Variants in ARHGEF26 observed in about 807,000 individuals in gnomAD.
ARHGEF26 encodes Rho guanine nucleotide exchange factor 26, also known as Rho guanine nucleotide exchange factor (GEF) 26.
In ARHGEF26, 59 loss-of-function variants were observed where a neutral mutation model predicts 89.4. The ratio of observed to expected loss-of-function variants is 0.66; its 90% CI spans 0.54 to 0.82. The LOEUF is 0.82. Among genes scored for constraint, ARHGEF26 ranks in the 40% least tolerant of loss-of-function variants. The probability of loss-of-function intolerance (pLI) is 0.00; values close to 1 mark genes in which losing one functional copy is unlikely to be tolerated. For missense variants in ARHGEF26, 1,234 were observed against 1,085.6 expected (o/e 1.14, Z -1.92); for synonymous variants, 500 against 428.4 (o/e 1.17, Z -2.06).
chr3:154,168,241 G>C (rs1277165603), intron 6 of ARHGEF26, among the ~76,000 whole-genome samples: 1 of 152,000 alleles, frequency 6.6e-6, no homozygotes, highest in Non-Finnish European at 1.5e-5. Context: ...AGGAAAGGGT[G>C]GTTCACTGTG....
Position 154,191,418 on chromosome 3 carries a change from T to C in ARHGEF26, c.1770T>C (p.Asp590=), listed in dbSNP as rs1713952001. 3 of 1,613,108 alleles carry C rather than the reference T, an allele frequency of 1.9e-6. No homozygotes were observed. In the African/African-American group the frequency reaches 4.0e-5, roughly 22 times the overall value. Residue 590 remains aspartate, a splice_region_variant and synonymous_variant, in exon 8 of 15, where the codon GAT becomes GAC. Transcript: ENST00000465093. ...TGACCCGCCTTCCCCTGCTGATGGA[T>C]GTAAGACATGACGGTGGCTTTTTCC... The part of the protein sequence containing the change: ...QRVTRLPLLM[D]TICQKTPKDS...
chr3:154,182,421 A>T (rs1713245413), intron 6 of ARHGEF26, among the ~76,000 whole-genome samples: 1 of 152,124 alleles, frequency 6.6e-6, no homozygotes. Flanking sequence ...CCAATATTTG[A>T]TCACACTGTG....
chr3:154,132,138 A>C (rs1367999142), intron 4 of ARHGEF26, among the ~76,000 whole-genome samples: 1 of 152,066 alleles, frequency 6.6e-6, no homozygotes, highest in African/African-American at 2.4e-5. Context: ...ACCAGCCTGC[A>C]TTTCTTTGTG....
chr3:154,227,007 C>G (rs1716534007), intron 11 of ARHGEF26, among the ~76,000 whole-genome samples: 1 of 152,140 alleles, frequency 6.6e-6, no homozygotes, highest in East Asian at 1.9e-4. Context: ...TTCTGAGTTG[C>G]TGACTTTATA....
At chr3:154,166,170 C>A (rs538527357) in intron 6 of ARHGEF26, among the ~76,000 whole-genome samples, 1 of 152,078 alleles carries the variant, frequency 6.6e-6, no homozygotes, top group South Asian at 2.1e-4. Flanking sequence ...GTAGGAGAAT[C>A]TACTACTCCT....
At chr3:154,160,813 C>T (rs1001351033) in intron 6 of ARHGEF26, among the ~76,000 whole-genome samples, 1 of 152,014 alleles carries the variant, frequency 6.6e-6, no homozygotes, top group Non-Finnish European at 1.5e-5. Context: ...AAAGGTAATT[C>T]CTAGGTGCAG....
At chr3:154,132,325 C>G (rs1023760667) in intron 4 of ARHGEF26, among the ~76,000 whole-genome samples, 1 of 152,066 alleles carries the variant, frequency 6.6e-6, no homozygotes, top group Non-Finnish European at 1.5e-5. Context: ...TTTTTTTAGA[C>G]TATTACAGCG....
At chr3:154,176,662 C>T (rs371985946) in intron 6 of ARHGEF26, among the ~76,000 whole-genome samples, 5 of 152,238 alleles carry the variant, frequency 3.3e-5, no homozygotes, top group African/African-American at 7.2e-5. Flanking sequence ...GTGTGCTTTA[C>T]GTAGACGGTG....
Position 154,122,667 on chromosome 3 carries a change from C to G in ARHGEF26, c.675C>G (p.Asn225Lys). 1 of 1,613,898 alleles carries G rather than the reference C, an allele frequency of 6.2e-7. No individual in the cohort carries two copies. Among genetic ancestry groups the G allele is most frequent in the Non-Finnish European group, 8.5e-7 (1 of 1,179,886 alleles). Residue 225 changes from asparagine to lysine, a missense_variant, in exon 2 of 15, where the codon AAC (asparagine) becomes AAG (lysine). Physicochemically the swap from Asn to Lys is moderately conservative, Grantham distance 94. Coordinates refer to ENST00000465093, the MANE Select transcript of ARHGEF26 (RefSeq NM_015595.4). ...TCCAAAGGCTGCCCTCCCAGGAGAA[C>G]GAGCTCCTCGAGAATCCTTCCGTGG... ...LPLQRLPSQE[N>K]ELLENPSVVL...
intron 12 of ARHGEF26, among the ~76,000 whole-genome samples, chr3:154,248,999 G>A (rs1283679179): frequency 1.3e-5 from 2 of 152,112 alleles, no homozygotes; most frequent in Admixed American, 1.3e-4. Context: ...CTTTACAAAG[G>A]TTCGAAGGAC....
intron 9 of ARHGEF26, among the ~76,000 whole-genome samples, chr3:154,209,146 A>G (rs930167812): frequency 2.0e-5 from 3 of 152,146 alleles, no homozygotes; most frequent in African/African-American, 7.2e-5. Flanking sequence ...TTTAGCTGGT[A>G]TAATTCTGAA....
intron 7 of ARHGEF26, among the ~76,000 whole-genome samples, chr3:154,190,689 C>T (rs999577391): frequency 2.6e-5 from 4 of 152,142 alleles, no homozygotes; most frequent in Non-Finnish European, 4.4e-5. Context: ...CACAGTATCT[C>T]GCTAAGTTTC....
chr3:154,243,677 G>A (rs1717610833), intron 12 of ARHGEF26, among the ~76,000 whole-genome samples: 1 of 152,172 alleles, frequency 6.6e-6, no homozygotes, highest in South Asian at 2.1e-4. Context: ...GAACATTCCA[G>A]AAGGGGCATG....
chr3:154,142,737 A>T (rs1175390835), intron 4 of ARHGEF26, among the ~76,000 whole-genome samples: 4 of 152,212 alleles, frequency 2.6e-5, no homozygotes, highest in Non-Finnish European at 5.9e-5. Flanking sequence ...GGAACATCAG[A>T]CCTGTTGTAC....
rs372309748 is a variant in ARHGEF26 at position 154,240,476 on chromosome 3, A to G, written c.2197A>G (p.Met733Val). 8.1e-6 allele frequency: 13 copies of G among 1,613,332 alleles called. No homozygotes were observed. The highest frequency in any genetic ancestry group is 1.3e-5 in the African/African-American group (1 of 75,038). The change falls in exon 12 of 15, where the codon ATG becomes GTG. Residue 733 changes from methionine (M) to valine (V), a missense_variant. Physicochemically the swap from Met to Val is conservative, Grantham distance 21. Transcript: ENST00000465093. ...NSSPGKNSST[M>V]LYSRQSSASH... The stretch of plus-strand genomic sequence containing the variant: ...TTCTCCAGGGAAGAACAGCTCCACA[A>G]TGCTCTATTCAAGACAGAGCTCTGC...
chr3:154,188,768 T>G (rs561665593), intron 7 of ARHGEF26, among the ~76,000 whole-genome samples: 2 of 152,274 alleles, frequency 1.3e-5, no homozygotes, highest in East Asian at 3.9e-4. Flanking sequence ...AGTCAAAGCC[T>G]CTAAGCTGAT....
At position 154,256,979 on chromosome 3, in the gene ARHGEF26, T is replaced by G. The variant is rs1480629485; in HGVS notation, c.*1506T>G. Reference sequence around the variant, plus strand: ...GCAGCTATATTCCCTCTCTGTTCTATTTGCTTTAACAAAGGGATAAAACCT... The same window carrying G: ...GCAGCTATATTCCCTCTCTGTTCTAGTTGCTTTAACAAAGGGATAAAACCT... On this transcript the variant is annotated 3_prime_UTR_variant, in exon 15 of 15. Coordinates refer to ENST00000465093, the MANE Select transcript of ARHGEF26 (RefSeq NM_015595.4). 2.1e-5 allele frequency: 32 copies of G among 1,524,414 alleles called. No individual in the cohort carries two copies. Among genetic ancestry groups the G allele is most frequent in the Non-Finnish European group, 2.7e-5 (31 of 1,142,384 alleles). 94.4% of individuals were successfully genotyped at this position (1,524,414 alleles called of 1,614,324 possible).
chr3:154,211,549 T>G (rs1281797635), intron 9 of ARHGEF26, among the ~76,000 whole-genome samples: 1 of 152,142 alleles, frequency 6.6e-6, no homozygotes, highest in Non-Finnish European at 1.5e-5. Context: ...GATTCAAGAC[T>G]GTTTTTTCTA....
At chr3:154,147,779 T>C (rs1272405234) in intron 4 of ARHGEF26, among the ~76,000 whole-genome samples, 2 of 152,184 alleles carry the variant, frequency 1.3e-5, no homozygotes, top group Admixed American at 6.5e-5. Flanking sequence ...TTTTTCCCCT[T>C]CTTTTCTTCC....
Sources: gnomAD v4.1 joint callset for allele counts (sites outside exome capture counted in the v4.1 genomes callset) on GRCh38, gnomAD v4.1.1 for gene constraint, MANE v1.5 for transcripts, NCBI Gene and HGNC (gene_info 2026-07-23, HGNC 2026-07-21) for gene names.